Variants in SCTR observed in about 807,000 individuals in gnomAD.
SCTR encodes the protein secretin receptor, also known as pancreatic secretin receptor.
SCTR carries 56 observed loss-of-function variants against 60.8 expected under a neutral mutation model. The observed-to-expected ratio is 0.92, with a 90% CI of 0.74 to 1.15. The LOEUF is 1.15. Among genes scored for constraint, SCTR ranks in the 50% most tolerant of loss-of-function variants. SCTR has a pLI of 0.00. For synonymous variants in SCTR, 202 were observed against 217.0 expected, an observed-to-expected ratio of 0.93 and a Z score of 0.61; for missense variants, 562 against 550.4, an observed-to-expected ratio of 1.02 and a Z score of -0.21.
chr2:119,524,398 G>A lies in SCTR; in HGVS notation c.-172C>T, dbSNP rs1679388258. Reference sequence around the variant, plus strand: ...CGGGCCCCGGGACTGCTCCTCCTCGGACCAGGTGGCCGCGCGCGCTAAGCC... The same window carrying A: ...CGGGCCCCGGGACTGCTCCTCCTCGAACCAGGTGGCCGCGCGCGCTAAGCC... On this transcript the variant is annotated 5_prime_UTR_variant, in exon 1 of 13. Coordinates refer to ENST00000019103, the MANE Select transcript of SCTR (RefSeq NM_002980.3). 1 of 405,804 alleles carries A rather than the reference G, an allele frequency of 2.5e-6. No individual in the cohort carries two copies. Among genetic ancestry groups the A allele is most frequent in the African/African-American group, 2.1e-5 (1 of 47,946 alleles). The allele number at this position is 405,804 out of a possible 1,614,324, so 25.1% of individuals were successfully genotyped here. A position where few individuals can be genotyped will look rare whatever the true frequency, so the allele number is the denominator to read the frequency against.
intron 1 of SCTR, among the ~76,000 whole-genome samples, chr2:119,510,271 T>C (rs1397719183): frequency 6.6e-6 from 1 of 152,076 alleles, no homozygotes; most frequent in Non-Finnish European, 1.5e-5. Flanking sequence ...TCCTCTAAAA[T>C]GTAACAAGCC....
intron 1 of SCTR, among the ~76,000 whole-genome samples, chr2:119,496,599 C>G (rs889640395): frequency 6.6e-6 from 1 of 152,138 alleles, no homozygotes; most frequent in African/African-American, 2.4e-5. Flanking sequence ...GGACTAGGGG[C>G]CCTGGAGCCC....
rs190232030 is a variant in SCTR at position 119,491,450 on chromosome 2, A to C, written c.193+2978T>G. Among the ~76,000 whole-genome samples, 131 of 152,304 alleles carry C rather than the reference A, an allele frequency of 8.6e-4. No homozygotes were observed. The Middle Eastern group carries it at 0.01, about 12-fold the overall frequency. On this transcript the variant is annotated intron_variant, in intron 2 of 12. Transcript: ENST00000019103. ...GGTGAAGCCTCCTGATTAGACACTC[A>C]GGCAGACCCACATACTGTTCTTATC...
At chr2:119,467,699 TAA>T (rs58880883) in intron 4 of SCTR, among the ~76,000 whole-genome samples, 10,886 of 152,002 alleles carry the variant, frequency 0.072, 1,263 homozygotes, top group African/African-American at 0.25. Flanking sequence ...GTATTAGTGA[TAA>T]AAAAAACCCA....
intron 2 of SCTR, among the ~76,000 whole-genome samples, chr2:119,484,075 G>T (rs1677755157): frequency 6.6e-6 from 1 of 152,108 alleles, no homozygotes; most frequent in Admixed American, 6.5e-5. Context: ...GGTCATCCTG[G>T]GCAGTTTTAG....
intron 2 of SCTR, among the ~76,000 whole-genome samples, chr2:119,485,114 G>A (rs1677809078): frequency 6.6e-6 from 1 of 152,248 alleles, no homozygotes; most frequent in Non-Finnish European, 1.5e-5. Flanking sequence ...CTGCAGGCGA[G>A]ATCCCCCTGA....
At chr2:119,451,069 A>G (rs976193701) in intron 9 of SCTR, among the ~76,000 whole-genome samples, 1 of 152,224 alleles carries the variant, frequency 6.6e-6, no homozygotes, top group Non-Finnish European at 1.5e-5. Context: ...TCTCCTCTCA[A>G]CCAATCCCAA....
At chr2:119,491,564 T>A (rs964435074) in intron 2 of SCTR, among the ~76,000 whole-genome samples, 1 of 152,162 alleles carries the variant, frequency 6.6e-6, no homozygotes, top group Non-Finnish European at 1.5e-5. Flanking sequence ...CAGGCTGGAG[T>A]GCAATGGTGC....
At chr2:119,491,775 T>A (rs2104893607) in intron 2 of SCTR, among the ~76,000 whole-genome samples, 1 of 152,322 alleles carries the variant, frequency 6.6e-6, no homozygotes, top group East Asian at 1.9e-4. Flanking sequence ...CCCTCCAAAG[T>A]GCTGGGATTA....
chr2:119,524,430 C>T lies in SCTR; in HGVS notation c.-204G>A, dbSNP rs1679390296. The T allele has an allele frequency of 7.9e-6, 3 of 379,466 alleles. No homozygotes were observed. Among genetic ancestry groups the T allele is most frequent in the Non-Finnish European group, 9.3e-6 (2 of 215,070 alleles). The allele number at this position is 379,466 out of a possible 1,614,324, so 23.5% of individuals were successfully genotyped here. A position where few individuals can be genotyped will look rare whatever the true frequency, so the allele number is the denominator to read the frequency against. On this transcript the variant is annotated 5_prime_UTR_variant, in exon 1 of 13. Transcript: ENST00000019103. ...TGGCCGCGCGCGCTAAGCCGCCCGC[C>T]CCATTGATCAGGACGCGGCTTTGCC...
chr2:119,475,307 T>C (rs1470702432), intron 3 of SCTR, among the ~76,000 whole-genome samples: 3 of 152,186 alleles, frequency 2.0e-5, no homozygotes, highest in Non-Finnish European at 4.4e-5. Flanking sequence ...TCGAAGGTTA[T>C]AAGACAGCGC....
At chr2:119,496,325 G>A (rs899159543) in intron 1 of SCTR, among the ~76,000 whole-genome samples, 2 of 152,178 alleles carry the variant, frequency 1.3e-5, no homozygotes, top group African/African-American at 4.8e-5. Flanking sequence ...AATTGTAGAT[G>A]GTAAGTGTCA....
intron 1 of SCTR, among the ~76,000 whole-genome samples, chr2:119,523,576 A>G (rs1363689389): frequency 6.6e-6 from 1 of 151,774 alleles, no homozygotes; most frequent in African/African-American, 2.4e-5. Flanking sequence ...CCCATCGCAG[A>G]CCCAGAAGCT....
At chr2:119,465,990 T>C in intron 4 of SCTR, 104 bp from the exon 5 acceptor site, 1 of 738,914 alleles carries the variant, frequency 1.4e-6, no homozygotes, top group Non-Finnish European at 2.4e-6. Context: ...CCGACGCTGC[T>C]ATTCTGTCCA....
intron 9 of SCTR, 130 bp from the exon 10 acceptor site, chr2:119,448,910 C>T (rs1415687390): frequency 6.4e-6 from 4 of 623,956 alleles, no homozygotes; most frequent in Non-Finnish European, 1.2e-5. Context: ...CCCACCAGTG[C>T]TGCCGCTCCT....
chr2:119,477,149 G>C (rs1677362311), intron 3 of SCTR, among the ~76,000 whole-genome samples: 1 of 152,170 alleles, frequency 6.6e-6, no homozygotes, highest in Admixed American at 6.5e-5. Context: ...TGAGCAACTT[G>C]GATCCCGGGG....
At chr2:119,441,635 G>A (rs1049668334) in intron 11 of SCTR, 36 bp from the exon 12 acceptor site, 2 of 1,605,274 alleles carry the variant, frequency 1.2e-6, no homozygotes, top group Non-Finnish European at 1.7e-6. Context: ...GTTAGCACAG[G>A]TGCTCAGCAT....
At chr2:119,490,403 T>C (rs1235909022) in intron 2 of SCTR, among the ~76,000 whole-genome samples, 1 of 152,240 alleles carries the variant, frequency 6.6e-6, no homozygotes, top group Admixed American at 6.5e-5. Flanking sequence ...GGCTGGCTCC[T>C]GGGTTCTCTT....
chr2:119,522,876 C>G (rs1679329874), intron 1 of SCTR, among the ~76,000 whole-genome samples: 1 of 152,178 alleles, frequency 6.6e-6, no homozygotes, highest in Non-Finnish European at 1.5e-5. Context: ...TGCTGTTGCT[C>G]TAGCGTCTTC....
Sources: gnomAD v4.1 joint callset for allele counts (sites outside exome capture counted in the v4.1 genomes callset) on GRCh38, gnomAD v4.1.1 for gene constraint, MANE v1.5 for transcripts, NCBI Gene and HGNC (gene_info 2026-07-23, HGNC 2026-07-21) for gene names.